Variants in RRAS2 observed in about 807,000 individuals in gnomAD.
RRAS2 encodes RAS related 2.
RRAS2 carries 7 observed loss-of-function variants against 27.6 expected under a neutral mutation model. That is an observed-to-expected ratio of 0.25 (90% confidence interval 0.14 to 0.48). The LOEUF is 0.48. RRAS2 is among the 20% of genes least tolerant of loss of function. RRAS2 has a pLI of 0.99. For missense variants in RRAS2, 178 were observed against 256.2 expected (o/e 0.69, Z 2.08); for synonymous variants, 86 against 90.9 (o/e 0.95, Z 0.31).
intron 1 of RRAS2, among the ~76,000 whole-genome samples, chr11:14,344,067 G>A (rs376341753): frequency 1.3e-5 from 2 of 151,972 alleles, no homozygotes; most frequent in South Asian, 2.1e-4. Flanking sequence ...CACTTAAGCC[G>A]GGGACATCAA....
At chr11:14,357,839 C>T (rs1014099172) in intron 1 of RRAS2, among the ~76,000 whole-genome samples, 10 of 152,140 alleles carry the variant, frequency 6.6e-5, no homozygotes, top group African/African-American at 1.9e-4. Context: ...TTGACAAAAG[C>T]AGAAAGACAT....
At chr11:14,322,452 A>AAC (rs1491015519) in intron 1 of RRAS2, among the ~76,000 whole-genome samples, 1 of 152,112 alleles carries the variant, frequency 6.6e-6, no homozygotes, top group African/African-American at 2.4e-5. Flanking sequence ...CAAAAAAAAA[A>AAC]ACACAAAGAA....
intron 1 of RRAS2, among the ~76,000 whole-genome samples, chr11:14,298,495 A>G (rs975411022): frequency 2.2e-4 from 33 of 152,334 alleles, no homozygotes; most frequent in African/African-American, 7.9e-4. Flanking sequence ...TCTACTCGCT[A>G]TGGACATTTC....
intron 1 of RRAS2, among the ~76,000 whole-genome samples, chr11:14,321,659 T>C (rs1324027396): frequency 2.0e-5 from 3 of 152,170 alleles, no homozygotes; most frequent in Non-Finnish European, 2.9e-5. Flanking sequence ...CCCTGGCTTG[T>C]TGCTGGCTGA....
upstream of RRAS2, among the ~76,000 whole-genome samples, chr11:14,361,076 G>C (rs1328813143): frequency 6.6e-6 from 1 of 152,100 alleles, no homozygotes; most frequent in Non-Finnish European, 1.5e-5. Context: ...GCTCGCTTGA[G>C]CCCAGGAGTT....
intron 4 of RRAS2, among the ~76,000 whole-genome samples, chr11:14,283,312 A>G (rs1849589320): frequency 6.6e-6 from 1 of 152,168 alleles, no homozygotes; most frequent in Non-Finnish European, 1.5e-5. Context: ...GTTAAATTCT[A>G]TTTAATATTT....
chr11:14,358,719 G>C lies in RRAS2; in HGVS notation c.108+44C>G. 1.7e-6 allele frequency: 2 copies of C among 1,193,954 alleles called. No homozygotes were observed. Among genetic ancestry groups the C allele is most frequent in the Non-Finnish European group, 2.1e-6 (2 of 958,176 alleles). The allele number at this position is 1,193,954 out of a possible 1,614,324, so 74.0% of individuals were successfully genotyped here. A position where few individuals can be genotyped will look rare whatever the true frequency, so the allele number is the denominator to read the frequency against. On this transcript the variant is annotated intron_variant, in intron 1 of 5. Coordinates refer to ENST00000256196, the MANE Select transcript of RRAS2 (RefSeq NM_012250.6). The surrounding 1 kb of genome is among the most constrained non-coding windows in gnomAD (Gnocchi z 5.1). ...CCCGCCACAGGTAGCGCCAGCCCCC[G>C]CCCGCCGCCGCTCCGGCGCCCCGGG...
intron 4 of RRAS2, among the ~76,000 whole-genome samples, chr11:14,287,636 C>A (rs542456444): frequency 6.6e-6 from 1 of 152,090 alleles, no homozygotes; most frequent in Admixed American, 6.5e-5. Context: ...CTTTGGGAGG[C>A]CGAGGTGGGT....
chr11:14,305,146 T>C (rs1407821350), intron 1 of RRAS2, among the ~76,000 whole-genome samples: 4 of 152,194 alleles, frequency 2.6e-5, no homozygotes, highest in Non-Finnish European at 4.4e-5. Context: ...TTCATTTGCC[T>C]TCCATACATT....
In RRAS2 at chr11:14,293,124, A is replaced by AATATATATATATATAT. The variant is rs781860601; in HGVS notation, c.408+1331_408+1346dup. 7.7e-3 allele frequency among the ~76,000 whole-genome samples: 594 copies of AATATATATATATATAT among 76,658 alleles called. 17 individuals are homozygous for AATATATATATATATAT. Among genetic ancestry groups the AATATATATATATATAT allele is most frequent in the Non-Finnish European group, 9.8e-3 (428 of 43,482 alleles). 50.3% of individuals were successfully genotyped at this position (76,658 alleles called of 152,430 possible). A position where few individuals can be genotyped will look rare whatever the true frequency, so the allele number is the denominator to read the frequency against. On this transcript the variant is annotated intron_variant, in intron 4 of 5. Transcript: ENST00000256196. ...CTCCGTCTCAAAACAAAACAAAACA[A>AATATATATATATATAT]ATATATATATATATATATATATATA...
intron 1 of RRAS2, among the ~76,000 whole-genome samples, chr11:14,301,002 G>GA (rs1318613923): frequency 1.3e-5 from 2 of 152,162 alleles, no homozygotes; most frequent in Non-Finnish European, 2.9e-5. Flanking sequence ...CCCTTGCATA[G>GA]AAAAAGGATA....
Position 14,279,305 on chromosome 11 carries a change from C to T in RRAS2, c.*32G>A. 1 of 1,475,872 alleles carries T rather than the reference C, an allele frequency of 6.8e-7. No homozygotes were observed. Among genetic ancestry groups the T allele is most frequent in the Non-Finnish European group, 9.5e-7 (1 of 1,054,670 alleles). The allele number at this position is 1,475,872 out of a possible 1,614,324, so 91.4% of individuals were successfully genotyped here. The stretch of plus-strand genomic sequence containing the variant: ...AGAGAAAGAGAAGATGAGGGCTTTT[C>T]CTGGCCGTTGGTAGCTAAAACTGAA... On this transcript the variant is annotated 3_prime_UTR_variant, in exon 6 of 6. Transcript: ENST00000256196.
At chr11:14,309,109 G>A (rs764184073) in intron 1 of RRAS2, among the ~76,000 whole-genome samples, 92 of 152,268 alleles carry the variant, frequency 6.0e-4, no homozygotes, top group Non-Finnish European at 9.6e-4. Flanking sequence ...ACTTCTAGTT[G>A]TAACTTTTGC....
chr11:14,354,291 T>C (rs1161156913), intron 1 of RRAS2: 2 of 152,156 alleles, frequency 1.3e-5, no homozygotes, highest in Admixed American at 1.3e-4. Context: ...TCTGGCAAAT[T>C]GTTGAATAAA....
intron 1 of RRAS2, among the ~76,000 whole-genome samples, chr11:14,347,417 C>T (rs781946169): frequency 2.6e-5 from 4 of 152,018 alleles, no homozygotes; most frequent in Non-Finnish European, 5.9e-5. Flanking sequence ...AAAAAATGTA[C>T]GAAAGGAGTG....
chr11:14,334,559 C>T (rs1306151873), intron 1 of RRAS2, among the ~76,000 whole-genome samples: 6 of 151,870 alleles, frequency 4.0e-5, no homozygotes, highest in South Asian at 2.1e-4. Context: ...CACACACACA[C>T]ATAATGGATT....
chr11:14,359,080 GACGGC>G lies in RRAS2; in HGVS notation c.-215_-211del. The G allele has an allele frequency of 9.2e-7, 1 of 1,089,954 alleles. No homozygotes were observed. The highest frequency in any genetic ancestry group is 1.1e-6 in the Non-Finnish European group (1 of 898,012). The allele number at this position is 1,089,954 out of a possible 1,614,324, so 67.5% of individuals were successfully genotyped here. A position where few individuals can be genotyped will look rare whatever the true frequency, so the allele number is the denominator to read the frequency against. On this transcript the variant is annotated 5_prime_UTR_variant, in exon 1 of 6. Coordinates refer to ENST00000256196, the MANE Select transcript of RRAS2 (RefSeq NM_012250.6). Reference sequence around the variant, plus strand: ...CGCCCGAGGCGCGGAGAAGCGGGGTGACGGCACGGGCCAGGGGCGGCAGCGGCCGG... The same window carrying G: ...CGCCCGAGGCGCGGAGAAGCGGGGTGACGGGCCAGGGGCGGCAGCGGCCGG...
At chr11:14,304,758 G>C (rs1380941583) in intron 1 of RRAS2, among the ~76,000 whole-genome samples, 1 of 152,164 alleles carries the variant, frequency 6.6e-6, no homozygotes. Context: ...AAATTCCTCT[G>C]GTAACACTAG....
At chr11:14,314,106 A>T (rs1342886435) in intron 1 of RRAS2, among the ~76,000 whole-genome samples, 1 of 152,250 alleles carries the variant, frequency 6.6e-6, no homozygotes, top group Admixed American at 6.5e-5. Flanking sequence ...TTAAAATGTG[A>T]AACTAGACAT....
Sources: gnomAD v4.1 joint callset for allele counts (sites outside exome capture counted in the v4.1 genomes callset) on GRCh38, gnomAD v4.1.1 for gene constraint, Gnocchi (gnomAD v3.1) non-coding constraint, MANE v1.5 for transcripts, NCBI Gene and HGNC (gene_info 2026-07-23, HGNC 2026-07-21) for gene names.